REDIC1: variants seen among roughly 807,000 people sequenced by gnomAD.
REDIC1 encodes regulator of DNA class I crossover intermediates 1, also known as HEI10 Interacting Protein 1.
the REDIC1 span, among the ~76,000 whole-genome samples, chr12:39,810,625 T>G: frequency 1.3e-5 from 2 of 152,182 alleles, no homozygotes; most frequent in Non-Finnish European, 2.9e-5. Context: ...AGAGATGTTA[T>G]GTATCAGGTC....
the REDIC1 span, among the ~76,000 whole-genome samples, chr12:39,819,011 T>C: frequency 9.9e-5 from 15 of 152,240 alleles, 1 homozygote; most frequent in Non-Finnish European, 1.8e-4. Flanking sequence ...AAGATGTTTT[T>C]CCACTGTCAA....
At chr12:39,895,516 AT>A in the REDIC1 span, among the ~76,000 whole-genome samples, 2 of 1,220 alleles carry the variant, frequency 1.6e-3, no homozygotes, top group Admixed American at 0.011. Context: ...AAAAAAAATT[AT>A]ATATATATAT....
the REDIC1 span, among the ~76,000 whole-genome samples, chr12:39,730,487 CA>C: frequency 6.6e-6 from 1 of 152,168 alleles, no homozygotes; most frequent in Non-Finnish European, 1.5e-5. Flanking sequence ...TATTGGCCCC[CA>C]ACTTTCTTCT....
chr12:39,712,747 A>G, the REDIC1 span, among the ~76,000 whole-genome samples: 1 of 118,090 alleles, frequency 8.5e-6, no homozygotes, highest in Non-Finnish European at 1.6e-5. Context: ...ATAGACGTGT[A>G]CACATATGTG....
chr12:39,635,356 T>C, the REDIC1 span, among the ~76,000 whole-genome samples: 1 of 152,138 alleles, frequency 6.6e-6, no homozygotes, highest in Non-Finnish European at 1.5e-5. Context: ...ATGTTTATTG[T>C]GGCACTATTC....
chr12:39,896,274 GTATACATGTATGTATATGTGTGTATA>G, the REDIC1 span, among the ~76,000 whole-genome samples: 1 of 118,346 alleles, frequency 8.4e-6, no homozygotes, highest in South Asian at 2.8e-4. Context: ...GTGTATATAT[GTATACATGTATGTATATGTGTGTATA>G]TATGTATACA....
chr12:39,781,069 A>G, the REDIC1 span, among the ~76,000 whole-genome samples: 8,766 of 152,296 alleles, frequency 0.058, 462 homozygotes, highest in East Asian at 0.28. Flanking sequence ...AGCTTCACAG[A>G]TTAAGCATTT....
chr12:39,895,705 C>T, the REDIC1 span, among the ~76,000 whole-genome samples: 165 of 34,452 alleles, frequency 4.8e-3, 27 homozygotes, highest in African/African-American at 1.0e-2. Context: ...TGCGTGTATA[C>T]GTACACACAT....
At chr12:39,805,881 C>A in the REDIC1 span, among the ~76,000 whole-genome samples, 164 of 152,234 alleles carry the variant, frequency 1.1e-3, 1 homozygote, top group Admixed American at 4.1e-3. Context: ...AGGAAGAGAT[C>A]AGAAAGCTGT....
At chr12:39,887,792 A>G in the REDIC1 span, among the ~76,000 whole-genome samples, 1 of 152,242 alleles carries the variant, frequency 6.6e-6, no homozygotes. Flanking sequence ...TAGAAGTGAC[A>G]GTATCACTGA....
At chr12:39,717,547 G>C in the REDIC1 span, among the ~76,000 whole-genome samples, 4 of 152,118 alleles carry the variant, frequency 2.6e-5, 1 homozygote, top group Non-Finnish European at 5.9e-5. Context: ...CTGTTTCATT[G>C]GTAGCATAGG....
the REDIC1 span, among the ~76,000 whole-genome samples, chr12:39,839,403 C>G: frequency 5.5e-4 from 84 of 152,062 alleles, no homozygotes; most frequent in African/African-American, 1.8e-3. Flanking sequence ...TAGTTGGAAA[C>G]AAGTTTAAAA....
chr12:39,845,103 T>C, the REDIC1 span, among the ~76,000 whole-genome samples: 5 of 152,210 alleles, frequency 3.3e-5, no homozygotes, highest in Non-Finnish European at 5.9e-5. Flanking sequence ...TATCACAACT[T>C]GAAATTTGAA....
chr12:39,851,840 C>A, the REDIC1 span, among the ~76,000 whole-genome samples: 2 of 152,118 alleles, frequency 1.3e-5, no homozygotes, highest in Non-Finnish European at 2.9e-5. Context: ...CCATCTATTT[C>A]CCTGTGTCAA....
the REDIC1 span, among the ~76,000 whole-genome samples, chr12:39,763,439 T>C: frequency 6.6e-6 from 1 of 152,118 alleles, no homozygotes; most frequent in South Asian, 2.1e-4. Flanking sequence ...TATTTATTCA[T>C]TTGACAAACA....
At chr12:39,906,711 A>G in the REDIC1 span, among the ~76,000 whole-genome samples, 1 of 152,116 alleles carries the variant, frequency 6.6e-6, no homozygotes, top group African/African-American at 2.4e-5. Context: ...TAAATATTAA[A>G]TCAATTACTA....
At chr12:39,648,206 A>G in the REDIC1 span, among the ~76,000 whole-genome samples, 17 of 152,138 alleles carry the variant, frequency 1.1e-4, no homozygotes, top group Middle Eastern at 6.8e-3. Flanking sequence ...CTTGGAATGT[A>G]TCATTCTCTT....
the REDIC1 span, chr12:39,736,576 T>TC: frequency 3.9e-5 from 6 of 152,230 alleles, no homozygotes; most frequent in Admixed American, 3.9e-4. Context: ...TAATTGCCCT[T>TC]CCCTTATTAT....
the REDIC1 span, among the ~76,000 whole-genome samples, chr12:39,820,717 T>TTATA: frequency 3.7e-4 from 49 of 132,668 alleles, no homozygotes; most frequent in Non-Finnish European, 5.7e-4. Context: ...ATTTTTAAAT[T>TTATA]TATATATATA....
Sources: gnomAD v4.1 joint callset for allele counts (sites outside exome capture counted in the v4.1 genomes callset) on GRCh38, gnomAD v4.1.1 for gene constraint, MANE v1.5 for transcripts, NCBI Gene and HGNC (gene_info 2026-07-23, HGNC 2026-07-21) for gene names.